Variants in ITGAX observed in about 807,000 individuals in gnomAD.
The protein encoded by ITGAX is integrin subunit alpha X, also known as integrin alpha-X.
In ITGAX, 99 loss-of-function variants were observed where a neutral mutation model predicts 140.2. The observed-to-expected ratio is 0.71, with a 90% confidence interval of 0.60 to 0.83. The LOEUF is 0.83. Ranked by LOEUF, ITGAX falls within the 40% of genes least tolerant of loss-of-function variation. ITGAX has a pLI of 0.00. For missense variants in ITGAX, 1,444 were observed against 1,482.0 expected (o/e 0.97, Z 0.42); for synonymous variants, 631 against 600.4 (o/e 1.05, Z -0.75).
chr16:31,360,621 G>A, intron 8 of ITGAX, 158 bp downstream of exon 8: 2 of 665,898 alleles, frequency 3.0e-6, no homozygotes, highest in Non-Finnish European at 4.9e-6. Context: ...CTGGGCTCCA[G>A]TGATCCTCCC....
At chr16:31,375,339 G>A (rs1475436260) in intron 20 of ITGAX, among the ~76,000 whole-genome samples, 2 of 152,192 alleles carry the variant, frequency 1.3e-5, no homozygotes, top group African/African-American at 4.8e-5. Flanking sequence ...CTAATTAAAG[G>A]ATGAGTTTGG....
In ITGAX at chr16:31,362,947, T is replaced by G; in HGVS notation, c.1372T>G (p.Phe458Val). 1 of 1,611,760 alleles carries G rather than the reference T, an allele frequency of 6.2e-7. No homozygotes were observed. The part of the protein sequence containing the change: ...EVTGTQIGSY[F>V]GASLCSVDVD... ...CTCTGCCCTTCAGATCGGCTCCTAC[T>G]TCGGGGCCTCCCTCTGCTCCGTGGA... The change falls in exon 13 of 30, where the codon TTC (phenylalanine) becomes GTC (valine). Residue 458 changes from phenylalanine to valine, a missense_variant. Transcript: ENST00000268296.
Position 31,362,093 on chromosome 16 carries a change from G to T in ITGAX, c.1105G>T (p.Ala369Ser), listed in dbSNP as rs753554504. 4.3e-6 allele frequency: 7 copies of T among 1,614,008 alleles called. No individual in the cohort carries two copies. Among genetic ancestry groups the T allele is most frequent in the Non-Finnish European group, 5.9e-6 (7 of 1,179,996 alleles). ...CTCCCAGGATGGCCCCGTTCTGGGG[G>T]CTGTGGGGAGCTTCACCTGGTCTGG... ...VFTPDGPVLG[A>S]VGSFTWSGGA... is the part of the protein sequence containing the mutation. The change falls in exon 11 of 30, where the codon GCT (alanine) becomes TCT (serine). Residue 369 changes from alanine (A) to serine (S), a missense_variant. Ala to Ser is a moderately conservative substitution (Grantham distance 99). Transcript: ENST00000268296.
chr16:31,381,172 T>A (rs185941551), intron 29 of ITGAX, among the ~76,000 whole-genome samples, 165 bp downstream of exon 29: 166 of 152,312 alleles, frequency 1.1e-3, no homozygotes, highest in African/African-American at 3.9e-3. Context: ...GGCCCCCTGC[T>A]TTGTGATTCC....
chr16:31,379,923 G>A, intron 25 of ITGAX, 59 bp downstream of exon 25: 2 of 1,607,756 alleles, frequency 1.2e-6, no homozygotes, highest in Non-Finnish European at 1.7e-6. Context: ...GATTCCTTGT[G>A]CCCCATGTGG....
intron 9 of ITGAX, 92 bp downstream of exon 9, chr16:31,361,305 C>G (rs1051481380): frequency 2.2e-6 from 3 of 1,363,152 alleles, no homozygotes; most frequent in Non-Finnish European, 3.0e-6. Flanking sequence ...AGGTAGACAG[C>G]GTCTCGGTTC....
chr16:31,377,033 A>G lies in ITGAX; in HGVS notation c.2659A>G (p.Lys887Glu). Residue 887 changes from lysine (K) to glutamate (E), a missense_variant, in exon 22 of 30, where the codon AAG becomes GAG. Lys to Glu is a moderately conservative substitution (Grantham distance 56, BLOSUM62 1). Transcript: ENST00000268296. ...CTTGGCTACCTTTGACGTCTCCCCCAAGGCTGTCCTGGGAGACCGGCTGCT... is the reference window on the plus strand; with the variant it reads ...CTTGGCTACCTTTGACGTCTCCCCCGAGGCTGTCCTGGGAGACCGGCTGCT... ...TFLATFDVSP[K>E]AVLGDRLLLT... The G allele has an allele frequency of 6.2e-7, 1 of 1,614,120 alleles. No homozygotes were observed. The highest frequency in any genetic ancestry group is 8.5e-7 in the Non-Finnish European group (1 of 1,180,010).
chr16:31,381,482 TC>T (rs61260384), intron 29 of ITGAX, among the ~76,000 whole-genome samples: 2,013 of 151,998 alleles, frequency 0.013, 52 homozygotes, highest in African/African-American at 0.046. Flanking sequence ...TCACTTGAAG[TC>T]AGGAGTTAAG....
At chr16:31,360,820 T>C (rs1161837427) in intron 8 of ITGAX, 2 of 533,074 alleles carry the variant, frequency 3.8e-6, no homozygotes, top group Admixed American at 3.7e-5. Flanking sequence ...ACAACATCCC[T>C]TTCAAGGATA....
At chr16:31,380,732 C>T in intron 28 of ITGAX, 108 bp downstream of exon 28, 1 of 1,417,990 alleles carries the variant, frequency 7.1e-7, no homozygotes, top group South Asian at 1.2e-5. Flanking sequence ...AGGGCGAAGG[C>T]CTCTGGGCAG....
At chr16:31,369,148 C>T (rs1230844067) in intron 14 of ITGAX, among the ~76,000 whole-genome samples, 10 of 151,710 alleles carry the variant, frequency 6.6e-5, no homozygotes, top group Middle Eastern at 3.2e-3. Context: ...GGGTGGTGGC[C>T]GGGCAGAGGG....
At chr16:31,370,678 G>C (rs2080946442) in intron 14 of ITGAX, among the ~76,000 whole-genome samples, 1 of 152,164 alleles carries the variant, frequency 6.6e-6, no homozygotes, top group Non-Finnish European at 1.5e-5. Flanking sequence ...TGTATCCTGG[G>C]TGCTGTTCTA....
At chr16:31,372,985 T>C (rs2080985508) in intron 19 of ITGAX, among the ~76,000 whole-genome samples, 1 of 151,824 alleles carries the variant, frequency 6.6e-6, no homozygotes, top group Non-Finnish European at 1.5e-5. Flanking sequence ...CCCAGCTACT[T>C]GGGAGGCTGA....
chr16:31,364,852 A>AC, intron 14 of ITGAX, among the ~76,000 whole-genome samples: 1 of 75,394 alleles, frequency 1.3e-5, no homozygotes, highest in South Asian at 6.7e-4. Context: ...TACTAAAAAT[A>AC]CAAAAAAAAA....
chr16:31,362,565 G>A (rs1253140143), intron 11 of ITGAX, 46 bp from the exon 12 acceptor site: 2 of 1,580,818 alleles, frequency 1.3e-6, no homozygotes, highest in South Asian at 1.1e-5. Flanking sequence ...CCAGGGTTCT[G>A]GGGAGGGGGA....
At chr16:31,368,924 G>C (rs1434919786) in intron 14 of ITGAX, among the ~76,000 whole-genome samples, 1 of 152,156 alleles carries the variant, frequency 6.6e-6, no homozygotes, top group African/African-American at 2.4e-5. Flanking sequence ...AGGGTTGGGG[G>C]TAAGGTCACA....
intron 5 of ITGAX, among the ~76,000 whole-genome samples, chr16:31,359,011 G>C (rs1227614763): frequency 6.6e-6 from 1 of 151,716 alleles, no homozygotes; most frequent in Admixed American, 6.6e-5. Context: ...GTAGATGTGA[G>C]GTCTAACTAT....
Position 31,380,328 on chromosome 16 carries a change from G to A in ITGAX, c.3123G>A (p.Glu1041=). 1 of 1,614,216 alleles carries A rather than the reference G, an allele frequency of 6.2e-7. No individual in the cohort carries two copies. The highest frequency in any genetic ancestry group is 1.1e-5 in the South Asian group (1 of 91,082). Residue 1041 remains glutamate, a synonymous_variant, in exon 27 of 30, where the codon GAG becomes GAA. Coordinates refer to ENST00000268296, the MANE Select transcript of ITGAX (RefSeq NM_000887.5). ...ACGTCCCCTCCTTCAGCGTCCAGGAGGAGCTGGATTTCACCCTGAAGGGCA... is the reference window on the plus strand; with the variant it reads ...ACGTCCCCTCCTTCAGCGTCCAGGAAGAGCTGGATTTCACCCTGAAGGGCA... ...RCDVPSFSVQ[E]ELDFTLKGNL...
intron 29 of ITGAX, 51 bp from the exon 30 acceptor site, chr16:31,381,752 T>C: frequency 1.2e-6 from 1 of 861,640 alleles, no homozygotes; most frequent in Non-Finnish European, 2.0e-6. Context: ...TCTCTTTTCC[T>C]CTCTTCCACT....
Sources: allele counts gnomAD v4.1 joint callset (sites outside exome capture counted in the v4.1 genomes callset), GRCh38; gene constraint gnomAD v4.1.1; transcripts MANE v1.5; gene names NCBI Gene and HGNC (gene_info 2026-07-23, HGNC 2026-07-21).